The following ZNF618 variants were observed in gnomAD, a reference collection of about 807,000 sequenced individuals.
ZNF618 encodes the protein zinc finger protein 618, also known as neural precursor cell expressed, developmentally down-regulated 10.
ZNF618 carries 34 observed loss-of-function variants against 103.0 expected under a neutral mutation model. The observed-to-expected ratio is 0.33, with a 90% confidence interval of 0.25 to 0.44. The LOEUF (loss-of-function observed/expected upper bound fraction) is 0.44, where lower values mean the gene tolerates loss of function less well. Ranked by LOEUF, ZNF618 falls within the 20% of genes least tolerant of loss-of-function variation. The pLI is 1.00. For missense variants in ZNF618, 1,059 were observed against 1,295.4 expected, an observed-to-expected ratio of 0.82 and a Z score of 2.80; for synonymous variants, 551 against 542.2, an observed-to-expected ratio of 1.02 and a Z score of -0.23.
chr9:113,993,925 T>C (rs16911462), intron 3 of ZNF618, among the ~76,000 whole-genome samples: 3,694 of 152,284 alleles, frequency 0.024, 130 homozygotes, highest in African/African-American at 0.079. Context: ...GGACTTCGTG[T>C]GATCATGGGA....
At chr9:113,965,377 T>C (rs1169365506) in intron 1 of ZNF618, among the ~76,000 whole-genome samples, 1 of 151,976 alleles carries the variant, frequency 6.6e-6, no homozygotes, top group African/African-American at 2.4e-5. Context: ...AACTTCACAT[T>C]CATTTGGGAG....
chr9:113,968,826 T>A (rs942404431), intron 1 of ZNF618, among the ~76,000 whole-genome samples: 2 of 152,212 alleles, frequency 1.3e-5, no homozygotes, highest in African/African-American at 2.4e-5. Context: ...TTTAGCTGGT[T>A]ACTTACTTTT....
intron 12 of ZNF618, 126 bp from the exon 13 acceptor site, chr9:114,036,174 C>A: frequency 2.5e-6 from 2 of 797,998 alleles, no homozygotes; most frequent in East Asian, 2.7e-5. Flanking sequence ...GCAGGCTGGG[C>A]CCGGAGCCCT....
At chr9:113,885,331 CATAAG>C (rs1163084002) in intron 1 of ZNF618, among the ~76,000 whole-genome samples, 1 of 152,214 alleles carries the variant, frequency 6.6e-6, no homozygotes, top group African/African-American at 2.4e-5. Flanking sequence ...ACAGGAATGA[CATAAG>C]ATAACAAGTT....
intron 1 of ZNF618, among the ~76,000 whole-genome samples, chr9:113,963,793 G>C (rs1371839258): frequency 2.0e-5 from 3 of 152,280 alleles, no homozygotes; most frequent in African/African-American, 7.2e-5. Flanking sequence ...CCCTGTGCCA[G>C]GCCCTGAGCT....
chr9:113,984,682 G>C (rs920408538), intron 2 of ZNF618, among the ~76,000 whole-genome samples: 1 of 152,234 alleles, frequency 6.6e-6, no homozygotes, highest in Non-Finnish European at 1.5e-5. Context: ...AGGTAAGGGA[G>C]TTCTGGGCCG....
At position 114,048,011 on chromosome 9, in the gene ZNF618, A is replaced by G; in HGVS notation, c.1348+17A>G. The G allele has an allele frequency of 6.4e-7, 1 of 1,562,264 alleles. No homozygotes were observed. The highest frequency in any genetic ancestry group is 1.2e-5 in the South Asian group (1 of 84,554). On this transcript the variant is annotated intron_variant, in intron 14 of 14. Coordinates refer to ENST00000374126, the MANE Select transcript of ZNF618 (RefSeq NM_001318042.2). ...CCAATAACAGTAGGTCTCCCCAAGC[A>G]GGGCTGGACCTGAGGGTCCCCTTAT...
chr9:114,013,687 T>C (rs998163381), intron 9 of ZNF618, among the ~76,000 whole-genome samples: 1 of 152,220 alleles, frequency 6.6e-6, no homozygotes, highest in Non-Finnish European at 1.5e-5. Flanking sequence ...TGCCTCGGCC[T>C]CCCAAAGTGC....
At position 113,884,329 on chromosome 9, in the gene ZNF618, A is replaced by G. The variant is rs375229510; in HGVS notation, c.33+7916A>G. On this transcript the variant is annotated intron_variant, in intron 1 of 14. Transcript: ENST00000374126. ...GTTAATCATTTTGTGGTGTTTGCCA[A>G]AGTACTTCATTTCCTTGCACCGTAT... Among the ~76,000 whole-genome samples the G allele has an allele frequency of 9.8e-5, 15 of 152,334 alleles. No homozygotes were observed. The South Asian group carries it at 2.3e-3, about 23-fold the overall frequency.
intron 6 of ZNF618, among the ~76,000 whole-genome samples, chr9:114,006,321 A>G (rs1421192763): frequency 2.0e-5 from 3 of 152,160 alleles, no homozygotes; most frequent in African/African-American, 7.2e-5. Context: ...GAGTTAGTGA[A>G]TGTTTGAATC....
At chr9:113,882,367 C>T (rs182064608) in intron 1 of ZNF618, among the ~76,000 whole-genome samples, 37 of 152,274 alleles carry the variant, frequency 2.4e-4, no homozygotes, top group African/African-American at 8.4e-4. Context: ...TGATCCCAGC[C>T]TTGCAGGGTT....
intron 1 of ZNF618, among the ~76,000 whole-genome samples, chr9:113,930,163 G>A (rs1337398390): frequency 1.3e-5 from 2 of 152,186 alleles, no homozygotes; most frequent in African/African-American, 4.8e-5. Context: ...AAAACATGGG[G>A]AAATTGCCTC....
chr9:113,964,035 C>T (rs185760971), intron 1 of ZNF618, among the ~76,000 whole-genome samples: 30 of 152,236 alleles, frequency 2.0e-4, no homozygotes, highest in Admixed American at 5.9e-4. Context: ...TTTTGAGTTG[C>T]GGTGGGGGAG....
rs200522270 is a variant in ZNF618 at position 114,055,975 on chromosome 9, T to TA, written c.*5821dup. Reference sequence around the variant, plus strand: ...GACCCTGTGTACCATGTACTGTATTTAAAAAAAAAAAAAGTTACCTATTGT... The same window carrying TA: ...GACCCTGTGTACCATGTACTGTATTTAAAAAAAAAAAAAAGTTACCTATTGT... On this transcript the variant is annotated 3_prime_UTR_variant, in exon 15 of 15. Coordinates refer to ENST00000374126, the MANE Select transcript of ZNF618 (RefSeq NM_001318042.2). 34,282 of 146,304 alleles carry TA rather than the reference T, an allele frequency of 0.23. 4,257 individuals carry two copies. Among genetic ancestry groups the TA allele is most frequent in the Non-Finnish European group, 0.28 (18,665 of 66,128 alleles). 9.1% of individuals were successfully genotyped at this position (146,304 alleles called of 1,614,324 possible). A position where few individuals can be genotyped will look rare whatever the true frequency, so the allele number is the denominator to read the frequency against.
At chr9:113,937,073 A>G (rs539763937) in intron 1 of ZNF618, among the ~76,000 whole-genome samples, 1 of 152,356 alleles carries the variant, frequency 6.6e-6, no homozygotes, top group East Asian at 1.9e-4. Context: ...ATAATGCTAT[A>G]TATGGATGAA....
At chr9:113,892,551 C>A (rs1829707287) in intron 1 of ZNF618, among the ~76,000 whole-genome samples, 1 of 152,146 alleles carries the variant, frequency 6.6e-6, no homozygotes, top group South Asian at 2.1e-4. Context: ...CATAACCTAA[C>A]ACATCAACAG....
At chr9:113,976,809 G>A (rs1287531801) in intron 2 of ZNF618, among the ~76,000 whole-genome samples, 1 of 152,202 alleles carries the variant, frequency 6.6e-6, no homozygotes, top group African/African-American at 2.4e-5. Context: ...TTTGTCTGGT[G>A]TATTTAGTAG....
chr9:113,883,949 A>C (rs1291872941), intron 1 of ZNF618, among the ~76,000 whole-genome samples: 1 of 114,742 alleles, frequency 8.7e-6, no homozygotes, highest in East Asian at 2.9e-4. Flanking sequence ...TGGGGGCTCC[A>C]TGCTCTGTTT....
chr9:113,964,211 C>T (rs1837139888), intron 1 of ZNF618, among the ~76,000 whole-genome samples: 1 of 152,180 alleles, frequency 6.6e-6, no homozygotes, highest in Admixed American at 6.5e-5. Flanking sequence ...TTTGTGGCAG[C>T]ACCTCAGCCT....
Sources: allele counts gnomAD v4.1 joint callset (sites outside exome capture counted in the v4.1 genomes callset), GRCh38; gene constraint gnomAD v4.1.1; transcripts MANE v1.5; gene names NCBI Gene and HGNC (gene_info 2026-07-23, HGNC 2026-07-21).